The following RPAP2 variants were observed in gnomAD, a reference collection of about 807,000 sequenced individuals.
RPAP2 encodes the protein RNA polymerase II associated protein 2, also known as putative RNA polymerase II subunit B1 CTD phosphatase RPAP2.
A neutral mutation model predicts 73.1 loss-of-function variants in RPAP2; 52 were observed. That is an observed-to-expected ratio of 0.71 (90% CI 0.57 to 0.90). The LOEUF (loss-of-function observed/expected upper bound fraction) is 0.90. Among genes scored for constraint, RPAP2 ranks in the 40% least tolerant of loss-of-function variants. The probability of loss-of-function intolerance (pLI) is 0.00; values close to 1 mark genes in which losing one functional copy is unlikely to be tolerated. For missense variants in RPAP2, 598 were observed against 701.8 expected (o/e 0.85, Z 1.67); for synonymous variants, 225 against 242.1 (o/e 0.93, Z 0.65).
intron 11 of RPAP2, among the ~76,000 whole-genome samples, chr1:92,380,278 CA>C (rs66801616): frequency 0.12 from 14,556 of 117,112 alleles, 1,950 homozygotes; most frequent in African/African-American, 0.36. Flanking sequence ...GACTCTGCCT[CA>C]AAAAAAAAAA....
intron 12 of RPAP2, among the ~76,000 whole-genome samples, chr1:92,382,015 C>A (rs1281613731): frequency 6.7e-6 from 1 of 148,340 alleles, no homozygotes; most frequent in Non-Finnish European, 1.5e-5. Flanking sequence ...TGAGAACATG[C>A]GGTGTTTGGT....
intron 6 of RPAP2, among the ~76,000 whole-genome samples, chr1:92,315,090 GGTCTT>G (rs1179839319): frequency 1.3e-5 from 2 of 151,942 alleles, no homozygotes; most frequent in East Asian, 1.9e-4. Context: ...GAGAGACAGA[GGTCTT>G]GTCTTGTTGC....
Position 92,397,183 on chromosome 1 carries a change from G to C in RPAP2, c.*10172G>C, listed in dbSNP as rs980577433. On this transcript the variant is annotated 3_prime_UTR_variant, in exon 13 of 13. Coordinates refer to ENST00000610020, the MANE Select transcript of RPAP2 (RefSeq NM_024813.3). ...ATGGGCTGATTGCTTGAGTCCAGGA[G>C]TTTGAGACCAACTTGGGCAACATAG... 1 of 152,106 alleles carries C rather than the reference G, an allele frequency of 6.6e-6. No individual in the cohort carries two copies. The highest frequency in any genetic ancestry group is 2.4e-5 in the African/African-American group (1 of 41,390). 9.4% of individuals were successfully genotyped at this position (152,106 alleles called of 1,614,324 possible). A position where few individuals can be genotyped will look rare whatever the true frequency, so the allele number is the denominator to read the frequency against.
chr1:92,330,698 T>G (rs1652915731), intron 8 of RPAP2, among the ~76,000 whole-genome samples: 1 of 152,110 alleles, frequency 6.6e-6, no homozygotes, highest in Non-Finnish European at 1.5e-5. Context: ...GTGATCTGCC[T>G]GCCTCAGCCT....
rs1571164361 is a variant in RPAP2, at chr1:92,394,549, A to G, written c.*7538A>G. 1 of 152,340 alleles carries G rather than the reference A, an allele frequency of 6.6e-6. No individual in the cohort carries two copies. The highest frequency in any genetic ancestry group is 1.5e-5 in the Non-Finnish European group (1 of 68,048). The allele number at this position is 152,340 out of a possible 1,614,324, so 9.4% of individuals were successfully genotyped here. A position where few individuals can be genotyped will look rare whatever the true frequency, so the allele number is the denominator to read the frequency against. ...ACACCTGTAGTCCCAGCTACTTGAG[A>G]GGCTACATTGGGAGGATTGCCTGAG... On this transcript the variant is annotated 3_prime_UTR_variant, in exon 13 of 13. Transcript: ENST00000610020.
chr1:92,317,049 A>C (rs1571043859), intron 6 of RPAP2, among the ~76,000 whole-genome samples: 1 of 152,192 alleles, frequency 6.6e-6, no homozygotes, highest in Non-Finnish European at 1.5e-5. Flanking sequence ...GATTAAGCAA[A>C]GGTGGTATCC....
At position 92,345,843 on chromosome 1, in the gene RPAP2, C is replaced by CAG; in HGVS notation, c.1620-2_1620-1dup. On this transcript the variant is annotated splice_region_variant and splice_polypyrimidine_tract_variant and intron_variant, in intron 10 of 12. Transcript: ENST00000610020. ...CCTTGGATAAATTTTATCTATCTTT[C>CAG]AGGTTAACAAATAGAAATATTATAC... The CAG allele has an allele frequency of 6.5e-7, 1 of 1,548,306 alleles. No homozygotes were observed. Among genetic ancestry groups the CAG allele is most frequent in the Non-Finnish European group, 8.9e-7 (1 of 1,124,232 alleles).
At chr1:92,348,056 C>A (rs1411651330) in intron 11 of RPAP2, among the ~76,000 whole-genome samples, 2 of 152,010 alleles carry the variant, frequency 1.3e-5, no homozygotes, top group African/African-American at 4.8e-5. Context: ...ATTACAGGCA[C>A]CTGCCACCAT....
At chr1:92,360,272 G>A (rs1470583668) in intron 11 of RPAP2, among the ~76,000 whole-genome samples, 1 of 152,174 alleles carries the variant, frequency 6.6e-6, no homozygotes, top group East Asian at 1.9e-4. Context: ...AAGGACTAAG[G>A]ACTGTGGTCC....
chr1:92,352,740 T>C (rs558639250), intron 11 of RPAP2, among the ~76,000 whole-genome samples: 2 of 152,324 alleles, frequency 1.3e-5, no homozygotes, highest in South Asian at 4.1e-4. Flanking sequence ...ATACAAAATA[T>C]ACAATTCACT....
In RPAP2 at chr1:92,393,807, C is replaced by A. The variant is rs1377532053; in HGVS notation, c.*6796C>A. 6.6e-6 allele frequency: 1 copy of A among 152,066 alleles called. No homozygotes were observed. The highest frequency in any genetic ancestry group is 1.5e-5 in the Non-Finnish European group (1 of 68,014). 9.4% of individuals were successfully genotyped at this position (152,066 alleles called of 1,614,324 possible). ...ATCTCATGCCAGTTAGAATGGCGAT[C>A]ATTAAAAATCAGGAAACAATAGATG... is the stretch of plus-strand genomic sequence containing the variant. On this transcript the variant is annotated 3_prime_UTR_variant, in exon 13 of 13. Transcript: ENST00000610020.
chr1:92,385,902 A>G (rs1655847209), intron 12 of RPAP2, among the ~76,000 whole-genome samples: 1 of 152,160 alleles, frequency 6.6e-6, no homozygotes, highest in Admixed American at 6.5e-5. Flanking sequence ...CAGCGCTATG[A>G]TGTCACCTGA....
At chr1:92,377,980 T>C (rs1034884646) in intron 11 of RPAP2, among the ~76,000 whole-genome samples, 4 of 152,228 alleles carry the variant, frequency 2.6e-5, no homozygotes, top group Non-Finnish European at 5.9e-5. Context: ...ACATTTGCTA[T>C]TCTCATATGG....
chr1:92,304,862 G>A (rs11586989), intron 5 of RPAP2, among the ~76,000 whole-genome samples: 39,446 of 152,118 alleles, frequency 0.26, 6,492 homozygotes, highest in Non-Finnish European at 0.35. Flanking sequence ...GATGCTGGTC[G>A]TGGTGGCTCA....
chr1:92,339,538 C>T (rs920708340), intron 10 of RPAP2, among the ~76,000 whole-genome samples: 3 of 152,096 alleles, frequency 2.0e-5, no homozygotes, highest in African/African-American at 4.8e-5. Context: ...TGCCTGCTCC[C>T]TTCTGGCAGC....
rs1266928358 is a variant in RPAP2, at chr1:92,400,698, G to C, written c.*13687G>C. The C allele has an allele frequency of 6.6e-6, 1 of 152,166 alleles. No individual in the cohort carries two copies. Among genetic ancestry groups the C allele is most frequent in the Non-Finnish European group, 1.5e-5 (1 of 68,048 alleles). 9.4% of individuals were successfully genotyped at this position (152,166 alleles called of 1,614,324 possible). A position where few individuals can be genotyped will look rare whatever the true frequency, so the allele number is the denominator to read the frequency against. ...GCCTTCACAATTAGTTTTAGGTTGG[G>C]AGACCGTGAACCCACCAAGCAGCCC... On this transcript the variant is annotated 3_prime_UTR_variant, in exon 13 of 13. Transcript: ENST00000610020.
chr1:92,372,657 T>C (rs1655202595), intron 11 of RPAP2, among the ~76,000 whole-genome samples: 3 of 152,332 alleles, frequency 2.0e-5, no homozygotes, highest in Non-Finnish European at 4.4e-5. Flanking sequence ...CTCACACCTA[T>C]AATCCCAGTC....
Position 92,392,033 on chromosome 1 carries a change from T to C in RPAP2, c.*5022T>C, listed in dbSNP as rs965066752. On this transcript the variant is annotated 3_prime_UTR_variant, in exon 13 of 13. Coordinates refer to ENST00000610020, the MANE Select transcript of RPAP2 (RefSeq NM_024813.3). Reference sequence around the variant, plus strand: ...AGGGAATCCTCCCTAACTCATTTTATGAGGCTAACATCATCCTGATACCAA... The same window carrying C: ...AGGGAATCCTCCCTAACTCATTTTACGAGGCTAACATCATCCTGATACCAA... 2 of 152,230 alleles carry C rather than the reference T, an allele frequency of 1.3e-5. No individual in the cohort carries two copies. The highest frequency in any genetic ancestry group is 4.8e-5 in the African/African-American group (2 of 41,460). 9.4% of individuals were successfully genotyped at this position (152,230 alleles called of 1,614,324 possible).
rs535192836 is a variant in RPAP2, at chr1:92,395,844, A to C, written c.*8833A>C. 1 of 152,308 alleles carries C rather than the reference A, an allele frequency of 6.6e-6. No homozygotes were observed. The highest frequency in any genetic ancestry group is 1.9e-4 in the East Asian group (1 of 5,188). The allele number at this position is 152,308 out of a possible 1,614,324, so 9.4% of individuals were successfully genotyped here. A position where few individuals can be genotyped will look rare whatever the true frequency, so the allele number is the denominator to read the frequency against. On this transcript the variant is annotated 3_prime_UTR_variant, in exon 13 of 13. Coordinates refer to ENST00000610020, the MANE Select transcript of RPAP2 (RefSeq NM_024813.3). ...TATACAAATTGCTTAGCATATGAAG[A>C]GATGTGTACTATCACTAGTCATTAG... is the stretch of plus-strand genomic sequence containing the variant.
Sources: gnomAD v4.1 joint callset for allele counts (sites outside exome capture counted in the v4.1 genomes callset) on GRCh38, gnomAD v4.1.1 for gene constraint, MANE v1.5 for transcripts, NCBI Gene and HGNC (gene_info 2026-07-23, HGNC 2026-07-21) for gene names.